INTS1: variants seen among roughly 807,000 people sequenced by gnomAD.
INTS1 encodes the protein integrator complex subunit 1.
INTS1 carries 137 observed loss-of-function variants against 241.6 expected under a neutral mutation model. That is an observed-to-expected ratio of 0.57 (90% confidence interval 0.49 to 0.65). The LOEUF (loss-of-function observed/expected upper bound fraction) is 0.65. Ranked by LOEUF, INTS1 falls within the 30% of genes least tolerant of loss-of-function variation. The probability of loss-of-function intolerance (pLI) is 0.00; values close to 1 mark genes in which losing one functional copy is unlikely to be tolerated. For synonymous variants in INTS1, 1,692 were observed against 1,337.8 expected (o/e 1.26, Z -5.78); for missense variants, 3,073 against 3,032.2 (o/e 1.01, Z -0.32).
intron 26 of INTS1, chr7:1,483,317 G>C (rs1782085510): frequency 3.1e-6 from 1 of 320,974 alleles, no homozygotes; most frequent in African/African-American, 2.1e-5. Context: ...ACACTGCGCT[G>C]GCCAGAGCGT....
chr7:1,484,229 T>C, intron 24 of INTS1, 59 bp from the exon 25 acceptor site: 1 of 1,538,568 alleles, frequency 6.5e-7, no homozygotes. Flanking sequence ...TCCGGCCAGC[T>C]GGGGTGACCT....
At position 1,487,899 on chromosome 7, in the gene INTS1, T is replaced by C. The variant is rs1782349846; in HGVS notation, c.2377A>G (p.Asn793Asp). ...CGCTGGGCGGTCTGCAGCTCACGGT[T>C]CAGCATCTCCGTCCGGGTCTCCTCA... ...TDEETRTEML[N>D]RELQTAQREK... The change falls in exon 19 of 48, where the codon AAC becomes GAC. Residue 793 changes from asparagine (N) to aspartate (D), a missense_variant. By Grantham distance (23) the Asn-to-Asp change is conservative. Coordinates refer to ENST00000404767, the MANE Select transcript of INTS1 (RefSeq NM_001080453.3). 6.2e-7 allele frequency: 1 copy of C among 1,613,406 alleles called. No individual in the cohort carries two copies. Among genetic ancestry groups the C allele is most frequent in the South Asian group, 1.1e-5 (1 of 91,092 alleles).
chr7:1,471,719 G>A (rs545747148), intron 44 of INTS1, 78 bp from the exon 45 acceptor site: 1 of 1,399,378 alleles, frequency 7.1e-7, no homozygotes, highest in Middle Eastern at 1.8e-4. Flanking sequence ...CCACCCAGAG[G>A]GGGCAAGGCC....
chr7:1,491,663 G>C (rs1001865676), intron 16 of INTS1, among the ~76,000 whole-genome samples: 1 of 152,224 alleles, frequency 6.6e-6, no homozygotes, highest in African/African-American at 2.4e-5. Flanking sequence ...CACTTTAGGA[G>C]GTCAAAGCAG....
chr7:1,495,862 C>T (rs1782821963), intron 12 of INTS1, among the ~76,000 whole-genome samples: 1 of 152,216 alleles, frequency 6.6e-6, no homozygotes, highest in South Asian at 2.1e-4. Context: ...CACCTCCCCT[C>T]CCCACTCCCG....
intron 2 of INTS1, 116 bp from the exon 3 acceptor site, chr7:1,503,307 G>A: frequency 1.8e-6 from 2 of 1,110,096 alleles, no homozygotes; most frequent in Admixed American, 2.7e-5. Flanking sequence ...AGGAGGCAAG[G>A]AAGAAGCCAG....
At chr7:1,498,636 C>G (rs1422333705) in intron 9 of INTS1, 71 bp downstream of exon 9, 7 of 1,530,532 alleles carry the variant, frequency 4.6e-6, no homozygotes. Flanking sequence ...CCCGCACCCC[C>G]GCTCCGCCCA....
chr7:1,478,392 C>G lies in INTS1; in HGVS notation c.4604G>C (p.Ser1535Thr). 1.2e-6 allele frequency: 2 copies of G among 1,612,770 alleles called. No homozygotes were observed. Among genetic ancestry groups the G allele is most frequent in the Non-Finnish European group, 1.7e-6 (2 of 1,179,820 alleles). ...IATLRSGEQC[S>T]VEPDLISKVL... is the part of the protein sequence containing the mutation. ...TTTGCTGATCAGGTCCGGCTCCACG[C>G]TGCACTGCTCCCCAGACCTCAGGGT... The change falls in exon 33 of 48, where the codon AGC (serine) becomes ACC (threonine). Residue 1535 changes from serine (S) to threonine (T), a missense_variant. Coordinates refer to ENST00000404767, the MANE Select transcript of INTS1 (RefSeq NM_001080453.3).
intron 2 of INTS1, 34 bp downstream of exon 2, chr7:1,503,869 A>G (rs1044170833): frequency 2.0e-6 from 3 of 1,482,328 alleles, no homozygotes; most frequent in South Asian, 1.2e-5. Context: ...ACCCCCAAAG[A>G]CCCCCGGGCT....
At position 1,493,665 on chromosome 7, in the gene INTS1, C is replaced by A. The variant is rs1782700604; in HGVS notation, c.2068+89G>T. ...CCAGCTGAAGCGCAGCTTTGTGGAG[C>A]GCCCCAGAGGTGCGTGCCAGAGCCG... is the stretch of plus-strand genomic sequence containing the variant. On this transcript the variant is annotated intron_variant, in intron 15 of 47. Transcript: ENST00000404767. The surrounding 1 kb of genome is among the most constrained non-coding windows in gnomAD (Gnocchi z 5.3). 3 of 1,435,722 alleles carry A rather than the reference C, an allele frequency of 2.1e-6. No homozygotes were observed. The highest frequency in any genetic ancestry group is 1.4e-5 in the African/African-American group (1 of 69,494). 88.9% of individuals were successfully genotyped at this position (1,435,722 alleles called of 1,614,324 possible).
At position 1,474,392 on chromosome 7, in the gene INTS1, G is replaced by A. The variant is rs577307045; in HGVS notation, c.5637-32C>T. 2.7e-4 allele frequency: 424 copies of A among 1,548,126 alleles called. 4 individuals are homozygous for A. The South Asian group carries it at 3.9e-3, about 14-fold the overall frequency. On this transcript the variant is annotated intron_variant, in intron 40 of 47. Transcript: ENST00000404767. ...GCGCGGTGAGGGCCCAGTCAGCCCC[G>A]GCCGGCGGGCTCACCTGGCGCACGT...
At chr7:1,490,990 C>T (rs1273482560) in intron 16 of INTS1, among the ~76,000 whole-genome samples, 5 of 152,208 alleles carry the variant, frequency 3.3e-5, no homozygotes, top group Admixed American at 6.5e-5. Flanking sequence ...CGGCCCAAGG[C>T]GCAGGAATGG....
chr7:1,477,035 C>T (rs1216019747), intron 35 of INTS1, 117 bp from the exon 36 acceptor site: 12 of 1,269,216 alleles, frequency 9.5e-6, no homozygotes, highest in East Asian at 7.6e-5. Flanking sequence ...GGGGTGCTGC[C>T]GGTAACACCG....
chr7:1,472,941 C>T lies in INTS1; in HGVS notation c.6070+131G>A, dbSNP rs1584255350. Reference sequence around the variant, plus strand: ...TTGAGGTGGGTCAGGGGCCAGCCAGCAAGGTCCCAGGCTCACACAGCCCCC... The same window carrying T: ...TTGAGGTGGGTCAGGGGCCAGCCAGTAAGGTCCCAGGCTCACACAGCCCCC... On this transcript the variant is annotated intron_variant, in intron 43 of 47. Transcript: ENST00000404767. 5.1e-6 allele frequency: 3 copies of T among 584,320 alleles called. No individual in the cohort carries two copies. In the East Asian group the frequency reaches 8.8e-5, roughly 17 times the overall value. 36.2% of individuals were successfully genotyped at this position (584,320 alleles called of 1,614,324 possible).
intron 3 of INTS1, among the ~76,000 whole-genome samples, chr7:1,502,297 C>A (rs560367954): frequency 2.0e-5 from 3 of 151,994 alleles, no homozygotes; most frequent in Non-Finnish European, 4.4e-5. Context: ...CAGGGAGTCA[C>A]GGAGCCTTGA....
chr7:1,473,784 A>G (rs1433604423), intron 41 of INTS1, 91 bp from the exon 42 acceptor site: 5 of 1,516,398 alleles, frequency 3.3e-6, no homozygotes, highest in Non-Finnish European at 3.6e-6. Context: ...GCCTCAGGGC[A>G]TGGACCCCAC....
At chr7:1,471,876 A>C in intron 44 of INTS1, 3 of 585,372 alleles carry the variant, frequency 5.1e-6, no homozygotes, top group East Asian at 2.8e-5. Context: ...GCAGCCCCAT[A>C]TCCAGGGTGC....
chr7:1,489,052 C>T (rs1013586487), intron 18 of INTS1, among the ~76,000 whole-genome samples: 4 of 152,190 alleles, frequency 2.6e-5, no homozygotes, highest in African/African-American at 9.6e-5. Flanking sequence ...CTGCCCAGTC[C>T]CCACTCCTGT....
chr7:1,471,810 A>C, intron 44 of INTS1, 169 bp from the exon 45 acceptor site: 1 of 640,844 alleles, frequency 1.6e-6, no homozygotes, highest in Non-Finnish European at 2.7e-6. Flanking sequence ...AAGCTCCACA[A>C]ATACCCGGCC....
Sources: gnomAD v4.1 joint callset for allele counts (sites outside exome capture counted in the v4.1 genomes callset) on GRCh38, gnomAD v4.1.1 for gene constraint, Gnocchi (gnomAD v3.1) non-coding constraint, MANE v1.5 for transcripts, NCBI Gene and HGNC (gene_info 2026-07-23, HGNC 2026-07-21) for gene names.